The following ELF5 variants were observed in gnomAD, a reference collection of about 807,000 sequenced individuals.
ELF5 encodes ETS-related transcription factor Elf-5.
Under a neutral mutation model 38.2 loss-of-function variants are expected in ELF5, and 31 were observed. The ratio of observed to expected loss-of-function variants is 0.81; its 90% CI spans 0.61 to 1.10. The LOEUF is 1.10. Among genes scored for constraint, ELF5 ranks in the 50% least tolerant of loss-of-function variants. The probability of loss-of-function intolerance (pLI) is 0.00; values close to 1 mark genes in which losing one functional copy is unlikely to be tolerated. For synonymous variants in ELF5, 121 were observed against 112.5 expected (o/e 1.08, Z -0.48); for missense variants, 300 against 306.6 (o/e 0.98, Z 0.16).
At chr11:34,485,726 G>C (rs1440873802) in intron 4 of ELF5, among the ~76,000 whole-genome samples, 1 of 152,148 alleles carries the variant, frequency 6.6e-6, no homozygotes, top group South Asian at 2.1e-4. Flanking sequence ...GGTACTCATT[G>C]GTTGACTAGT....
chr11:34,502,682 T>C (rs1850502307), intron 2 of ELF5, among the ~76,000 whole-genome samples: 1 of 152,200 alleles, frequency 6.6e-6, no homozygotes, highest in African/African-American at 2.4e-5. Context: ...GGTGGCTACT[T>C]GAAAGCCTGG....
intron 3 of ELF5, 149 bp from the exon 4 acceptor site, chr11:34,490,208 C>G: frequency 1.2e-6 from 1 of 818,094 alleles, no homozygotes; most frequent in Non-Finnish European, 2.0e-6. Flanking sequence ...ACCATCTGGT[C>G]TTAGAGTGTC....
At position 34,504,225 on chromosome 11, in the gene ELF5, G is replaced by T. The variant is rs147232581; in HGVS notation, c.121+1404C>A. 3.7e-3 allele frequency among the ~76,000 whole-genome samples: 571 copies of T among 152,338 alleles called. 4 individuals are homozygous for T. Among genetic ancestry groups the T allele is most frequent in the African/African-American group, 0.013 (550 of 41,572 alleles). On this transcript the variant is annotated intron_variant, in intron 2 of 6. Transcript: ENST00000257832. ...TGAAAGTTTTCATTTTCCTCCTTCA[G>T]ATTTAACCTGTTAACCAAAGTTCAA...
Position 34,490,038 on chromosome 11 carries a change from G to A in ELF5, c.377C>T (p.Ala126Val), listed in dbSNP as rs1412985726. 6.2e-6 allele frequency: 10 copies of A among 1,613,978 alleles called. No individual in the cohort carries two copies. Among genetic ancestry groups the A allele is most frequent in the South Asian group, 1.1e-5 (1 of 91,070 alleles). Residue 126 changes from alanine (A) to valine (V), a missense_variant, in exon 4 of 7, where the codon GCT becomes GTT. Transcript: ENST00000257832. ...TTTGATGGTGGCCTTGCTTTCTTCA[G>A]CGTCATTAAAAAAGGAGTAACCTGG... ...RTQGYSFFNDAEESKATIKDY... is the reference protein window; with the variant it reads ...RTQGYSFFNDVEESKATIKDY...
At chr11:34,503,626 A>AT (rs1471288987) in intron 2 of ELF5, among the ~76,000 whole-genome samples, 1 of 147,798 alleles carries the variant, frequency 6.8e-6, no homozygotes, top group African/African-American at 2.5e-5. Context: ...TTTTTAAACA[A>AT]TTTTTTGTAG....
At chr11:34,505,889 G>C (rs2231819) in intron 1 of ELF5, 136 bp from the exon 2 acceptor site, 134,043 of 1,046,432 alleles carry the variant, frequency 0.13, 9,337 homozygotes, top group Admixed American at 0.21. Context: ...AGCAGGCACC[G>C]CCTAGTGTCA....
At chr11:34,513,355 T>C (rs11032734) in intron 1 of ELF5, among the ~76,000 whole-genome samples, 33,981 of 152,300 alleles carry the variant, frequency 0.22, 4,608 homozygotes, top group Non-Finnish European at 0.31. Flanking sequence ...CCAGCTTCCC[T>C]TCCTAAAGAA....
chr11:34,510,236 T>C (rs781402846), intron 1 of ELF5, among the ~76,000 whole-genome samples: 4 of 152,158 alleles, frequency 2.6e-5, no homozygotes, highest in Non-Finnish European at 5.9e-5. Context: ...TTCTCAGGTG[T>C]ACAGCATGCT....
intron 4 of ELF5, among the ~76,000 whole-genome samples, chr11:34,485,215 A>G (rs1204963940): frequency 6.6e-6 from 1 of 152,242 alleles, no homozygotes; most frequent in Non-Finnish European, 1.5e-5. Flanking sequence ...AGATGGTGGA[A>G]CCAGAGAGTT....
intron 3 of ELF5, among the ~76,000 whole-genome samples, chr11:34,491,212 G>A (rs1204289793): frequency 6.6e-6 from 1 of 152,152 alleles, no homozygotes; most frequent in African/African-American, 2.4e-5. Context: ...TAGTGCTATG[G>A]TAATAATAAT....
intron 1 of ELF5, among the ~76,000 whole-genome samples, chr11:34,506,262 A>T (rs1850611675): frequency 6.6e-6 from 1 of 152,158 alleles, no homozygotes; most frequent in Non-Finnish European, 1.5e-5. Context: ...TCATCTTCTC[A>T]CTTAGAAGGG....
chr11:34,490,646 G>A (rs1354047703), intron 3 of ELF5, among the ~76,000 whole-genome samples: 1 of 152,128 alleles, frequency 6.6e-6, no homozygotes, highest in Non-Finnish European at 1.5e-5. Flanking sequence ...CAGGACCTTG[G>A]TTCTCTCCTC....
intron 1 of ELF5, chr11:34,511,425 C>T (rs1850753001): frequency 3.6e-6 from 5 of 1,375,320 alleles, no homozygotes; most frequent in East Asian, 2.4e-5. Flanking sequence ...AATCAGTTTC[C>T]CCCAAATGTA....
Position 34,480,265 on chromosome 11 carries a change from A to G in ELF5, c.721T>C (p.Tyr241His). The G allele has an allele frequency of 6.2e-7, 1 of 1,614,108 alleles. No individual in the cohort carries two copies. ...ILERVDRRLV[Y>H]KFGKNAHGWQ... ...CCGTGTGCATTTTTTCCAAATTTGTACACTAACCTTCGGTCAACCCGCTCC... is the reference window on the plus strand; with the variant it reads ...CCGTGTGCATTTTTTCCAAATTTGTGCACTAACCTTCGGTCAACCCGCTCC... Residue 241 changes from tyrosine (Y) to histidine (H), a missense_variant, in exon 7 of 7, where the codon TAC (tyrosine) becomes CAC (histidine). Tyr to His is a moderately conservative substitution (Grantham distance 83, BLOSUM62 2). Coordinates refer to ENST00000257832, the MANE Select transcript of ELF5 (RefSeq NM_001422.4).
chr11:34,511,627 C>T, intron 1 of ELF5: 2 of 1,610,516 alleles, frequency 1.2e-6, no homozygotes, highest in Non-Finnish European at 1.7e-6. Flanking sequence ...AGAGCTGGCT[C>T]ACACACCAAA....
chr11:34,499,714 T>C (rs1054560702), intron 2 of ELF5, among the ~76,000 whole-genome samples: 6 of 152,232 alleles, frequency 3.9e-5, no homozygotes, highest in African/African-American at 1.4e-4. Flanking sequence ...TAGATGAACC[T>C]GCCAGCTACA....
chr11:34,489,091 G>C (rs544156645), intron 4 of ELF5, among the ~76,000 whole-genome samples: 17 of 152,204 alleles, frequency 1.1e-4, no homozygotes, highest in Non-Finnish European at 1.8e-4. Context: ...TGCAGAGCAG[G>C]GTGCACCTGC....
At chr11:34,502,665 G>A (rs1343291765) in intron 2 of ELF5, among the ~76,000 whole-genome samples, 1 of 152,212 alleles carries the variant, frequency 6.6e-6, no homozygotes, top group Non-Finnish European at 1.5e-5. Context: ...CTGAAATCCC[G>A]AGGGCCGGTG....
intron 1 of ELF5, chr11:34,511,785 G>A (rs969405736): frequency 9.7e-5 from 56 of 578,908 alleles, no homozygotes; most frequent in Non-Finnish European, 1.6e-4. Context: ...AGGGGAAGGA[G>A]CAAACCACTC....
Sources: gnomAD v4.1 joint callset for allele counts (sites outside exome capture counted in the v4.1 genomes callset) on GRCh38, gnomAD v4.1.1 for gene constraint, MANE v1.5 for transcripts, NCBI Gene and HGNC (gene_info 2026-07-23, HGNC 2026-07-21) for gene names.